The following ROBO2 variants were observed in gnomAD, a reference collection of about 807,000 sequenced individuals.
ROBO2 encodes roundabout homolog 2.
In ROBO2, 53 loss-of-function variants were observed where a neutral mutation model predicts 160.8. That is an observed-to-expected ratio of 0.33 (90% CI 0.26 to 0.41). The LOEUF is 0.41. ROBO2 is among the 10% of genes least tolerant of loss of function. The pLI is 1.00. For missense variants in ROBO2, 1,577 were observed against 1,722.4 expected (o/e 0.92, Z 1.49); for synonymous variants, 664 against 611.7 (o/e 1.09, Z -1.26).
intron 2 of ROBO2, among the ~76,000 whole-genome samples, chr3:76,924,648 C>A (rs1026512471): frequency 5.3e-5 from 8 of 152,288 alleles, no homozygotes; most frequent in African/African-American, 1.9e-4. Flanking sequence ...ATAGGCTCTC[C>A]CAGTGCATAT....
intron 2 of ROBO2, among the ~76,000 whole-genome samples, chr3:76,457,669 G>C (rs1251469356): frequency 6.6e-6 from 1 of 152,188 alleles, no homozygotes; most frequent in Non-Finnish European, 1.5e-5. Context: ...TGCTAGCTGA[G>C]GTTCTCCATG....
At chr3:76,909,178 G>A (rs1257976816) in intron 2 of ROBO2, among the ~76,000 whole-genome samples, 1 of 152,158 alleles carries the variant, frequency 6.6e-6, no homozygotes, top group Non-Finnish European at 1.5e-5. Context: ...AGTGAGCTGC[G>A]ATCAAATCAC....
At chr3:77,293,437 A>T (rs1182801859) in intron 2 of ROBO2, among the ~76,000 whole-genome samples, 1 of 149,336 alleles carries the variant, frequency 6.7e-6, no homozygotes, top group Non-Finnish European at 1.5e-5. Context: ...CTGAGGCTAG[A>T]TCACTAAAGA....
intron 2 of ROBO2, among the ~76,000 whole-genome samples, chr3:76,930,562 T>C (rs1471983987): frequency 1.3e-5 from 2 of 152,032 alleles, no homozygotes; most frequent in Non-Finnish European, 2.9e-5. Flanking sequence ...GAACCAAGAG[T>C]ATATAGAGAG....
At chr3:76,237,595 TTAA>T (rs1705021711) in intron 2 of ROBO2, among the ~76,000 whole-genome samples, 1 of 152,194 alleles carries the variant, frequency 6.6e-6, no homozygotes. Context: ...TCCTGGATAG[TTAA>T]TAAATAAATA....
intron 2 of ROBO2, among the ~76,000 whole-genome samples, chr3:77,003,671 C>T (rs1388767592): frequency 1.3e-5 from 2 of 152,080 alleles, no homozygotes; most frequent in African/African-American, 4.8e-5. Context: ...AGCGATTCTC[C>T]TACCTCAGCC....
At chr3:77,211,372 C>T (rs997233061) in intron 2 of ROBO2, among the ~76,000 whole-genome samples, 42 of 152,172 alleles carry the variant, frequency 2.8e-4, no homozygotes, top group African/African-American at 7.5e-4. Context: ...TGTCTTTTGG[C>T]TGCATAAATG....
At chr3:77,519,051 G>GTC (rs888223342) in intron 5 of ROBO2, among the ~76,000 whole-genome samples, 1 of 151,400 alleles carries the variant, frequency 6.6e-6, no homozygotes, top group African/African-American at 2.4e-5. Context: ...TAATGGCACA[G>GTC]TCTCTTTGAA....
intron 6 of ROBO2, 64 bp downstream of exon 7, chr3:77,527,478 G>A: frequency 9.1e-7 from 1 of 1,097,084 alleles, no homozygotes; most frequent in Non-Finnish European, 1.2e-6. Context: ...CTCATGCATA[G>A]TAAGATTTGA....
intron 21 of ROBO2, among the ~76,000 whole-genome samples, chr3:77,611,105 T>G (rs2094629354): frequency 6.6e-6 from 1 of 152,034 alleles, no homozygotes; most frequent in Non-Finnish European, 1.5e-5. Context: ...GAGACCATCC[T>G]GGCTAACACG....
intron 2 of ROBO2, among the ~76,000 whole-genome samples, chr3:76,344,358 C>G (rs1467621151): frequency 2.0e-5 from 3 of 152,202 alleles, no homozygotes; most frequent in African/African-American, 4.8e-5. Context: ...TGACATGATT[C>G]TGTCTGCTTA....
chr3:75,927,832 C>T (rs1282461639), intron 1 of ROBO2, among the ~76,000 whole-genome samples: 1 of 152,130 alleles, frequency 6.6e-6, no homozygotes. Flanking sequence ...CTTATAGTTT[C>T]TCCTAAAATA....
intron 2 of ROBO2, among the ~76,000 whole-genome samples, chr3:76,298,780 G>C (rs1393050127): frequency 6.6e-6 from 1 of 152,126 alleles, no homozygotes; most frequent in Non-Finnish European, 1.5e-5. Flanking sequence ...CATATTCTCT[G>C]TATGTCTATC....
At chr3:76,582,658 G>A (rs2085774339) in intron 2 of ROBO2, among the ~76,000 whole-genome samples, 1 of 152,076 alleles carries the variant, frequency 6.6e-6, no homozygotes, top group Non-Finnish European at 1.5e-5. Context: ...TTCCTTTCAA[G>A]TTATATGTGA....
chr3:77,474,485 C>T (rs1363861721), intron 2 of ROBO2, among the ~76,000 whole-genome samples: 1 of 152,054 alleles, frequency 6.6e-6, no homozygotes, highest in Admixed American at 6.5e-5. Context: ...TTCTTTAAAA[C>T]ACAACTGCTG....
At chr3:76,565,735 A>C (rs1462945604) in intron 2 of ROBO2, among the ~76,000 whole-genome samples, 2 of 152,166 alleles carry the variant, frequency 1.3e-5, no homozygotes, top group Non-Finnish European at 2.9e-5. Flanking sequence ...TGAAAGGAGG[A>C]AGTTGTTACT....
At chr3:76,703,654 G>T (rs2093093927) in intron 2 of ROBO2, among the ~76,000 whole-genome samples, 1 of 151,964 alleles carries the variant, frequency 6.6e-6, no homozygotes, top group African/African-American at 2.4e-5. Context: ...GAGAATGATG[G>T]TTTCCAGCTT....
intron 2 of ROBO2, among the ~76,000 whole-genome samples, chr3:76,734,150 A>T (rs935699543): frequency 6.6e-5 from 10 of 152,162 alleles, no homozygotes; most frequent in African/African-American, 2.2e-4. Flanking sequence ...GGCGGGGGAC[A>T]AAAACGTCTA....
intron 2 of ROBO2, among the ~76,000 whole-genome samples, chr3:77,387,127 A>G (rs2074208897): frequency 6.6e-6 from 1 of 151,938 alleles, no homozygotes; most frequent in Non-Finnish European, 1.5e-5. Flanking sequence ...GTGATTTCTC[A>G]AACTGTGATG....
Sources: gnomAD v4.1 joint callset for allele counts (sites outside exome capture counted in the v4.1 genomes callset) on GRCh38, gnomAD v4.1.1 for gene constraint, MANE v1.5 for transcripts, NCBI Gene and HGNC (gene_info 2026-07-23, HGNC 2026-07-21) for gene names.